The following FAF2 variants were observed in gnomAD, a reference collection of about 807,000 sequenced individuals.
The protein encoded by FAF2 is Fas associated factor family member 2, also known as FAS-associated factor 2.
In FAF2, 9 loss-of-function variants were observed where a neutral mutation model predicts 62.3. That is an observed-to-expected ratio of 0.14 (90% CI 0.09 to 0.25). The LOEUF is 0.25. Among genes scored for constraint, FAF2 ranks in the 10% least tolerant of loss-of-function variants. FAF2 has a pLI of 1.00. For missense variants in FAF2, 368 were observed against 556.2 expected (o/e 0.66, Z 3.40); for synonymous variants, 202 against 198.0 (o/e 1.02, Z -0.17).
chr5:176,454,191 G>A (rs1382030458), intron 1 of FAF2, among the ~76,000 whole-genome samples: 5 of 151,270 alleles, frequency 3.3e-5, no homozygotes, highest in East Asian at 1.9e-4. Flanking sequence ...CCAGGAGTTC[G>A]AGACCAGCCT....
intron 10 of FAF2, among the ~76,000 whole-genome samples, chr5:176,502,776 G>A (rs1051736087): frequency 5.3e-5 from 8 of 152,120 alleles, no homozygotes; most frequent in Non-Finnish European, 1.0e-4. Context: ...TCGGCTGGGC[G>A]TGGTGGCTCA....
At position 176,449,498 on chromosome 5, in the gene FAF2, C is replaced by T. The variant is rs1208966035; in HGVS notation, c.63+1028C>T. 3.9e-5 allele frequency among the ~76,000 whole-genome samples: 6 copies of T among 152,212 alleles called. No individual in the cohort carries two copies. In the South Asian group the frequency reaches 8.3e-4, roughly 21 times the overall value. On this transcript the variant is annotated intron_variant, in intron 1 of 10. Coordinates refer to ENST00000261942, the MANE Select transcript of FAF2 (RefSeq NM_014613.3). ...GCTAAGGCAGGAGACTCGCTTGAAC[C>T]CGGGAGGCGGAGGTTGCAGTGAGCC...
intron 8 of FAF2, 148 bp downstream of exon 8, chr5:176,496,811 T>C: frequency 1.9e-6 from 1 of 532,090 alleles, no homozygotes; most frequent in Non-Finnish European, 3.1e-6. Context: ...AATATTTACA[T>C]ACTTTGACCT....
intron 1 of FAF2, among the ~76,000 whole-genome samples, chr5:176,457,652 G>GT (rs1156945957): frequency 7.5e-5 from 7 of 93,030 alleles, no homozygotes; most frequent in Non-Finnish European, 1.6e-4. Flanking sequence ...CTGTTTTCAG[G>GT]GGTGTGTGTG....
At chr5:176,504,111 A>T (rs751290950) in intron 10 of FAF2, among the ~76,000 whole-genome samples, 2 of 151,990 alleles carry the variant, frequency 1.3e-5, no homozygotes, top group African/African-American at 4.8e-5. Flanking sequence ...CATCTCAAAA[A>T]AAAAGAAAAA....
chr5:176,487,627 A>G (rs915192232), intron 3 of FAF2, among the ~76,000 whole-genome samples: 2 of 152,348 alleles, frequency 1.3e-5, no homozygotes, highest in East Asian at 1.9e-4. Flanking sequence ...TGTGACAACT[A>G]TGAAATGCTT....
chr5:176,482,436 C>T (rs1323262137), intron 2 of FAF2, among the ~76,000 whole-genome samples: 1 of 152,122 alleles, frequency 6.6e-6, no homozygotes. Context: ...TGGTGTTGAA[C>T]TCCTGGCCTC....
rs148569818 is a variant in FAF2, at chr5:176,494,461, G to A, written c.661+186G>A. The stretch of plus-strand genomic sequence containing the variant: ...AGAGATGGGGGGTCATATTACCTTT[G>A]CTTTATGGTTTAGGAAATAGGCTCA... On this transcript the variant is annotated intron_variant, in intron 7 of 10. Coordinates refer to ENST00000261942, the MANE Select transcript of FAF2 (RefSeq NM_014613.3). This position sits in a 1 kb window ranked among gnomAD's most constrained non-coding sequence, Gnocchi z 4.0. Among the ~76,000 whole-genome samples the A allele has an allele frequency of 2.2e-4, 33 of 152,210 alleles. No individual in the cohort carries two copies. In the East Asian group the frequency reaches 5.6e-3, roughly 26 times the overall value.
chr5:176,451,140 G>A (rs867218480), intron 1 of FAF2, among the ~76,000 whole-genome samples: 19 of 152,264 alleles, frequency 1.2e-4, no homozygotes, highest in African/African-American at 4.1e-4. Flanking sequence ...GGAGGCCGAG[G>A]CAGGTGGATC....
At chr5:176,490,273 T>C (rs1758950921) in intron 4 of FAF2, among the ~76,000 whole-genome samples, 1 of 146,920 alleles carries the variant, frequency 6.8e-6, no homozygotes, top group Admixed American at 6.9e-5. Context: ...ATCGCACCAC[T>C]GCACTCCAGC....
At chr5:176,458,775 T>C (rs1406007938) in intron 1 of FAF2, among the ~76,000 whole-genome samples, 1 of 152,170 alleles carries the variant, frequency 6.6e-6, no homozygotes, top group East Asian at 1.9e-4. Context: ...TCTTTGTACC[T>C]CATGGTCTGA....
chr5:176,500,704 T>C (rs1755577579), intron 10 of FAF2, among the ~76,000 whole-genome samples: 1 of 152,238 alleles, frequency 6.6e-6, no homozygotes, highest in Non-Finnish European at 1.5e-5. Context: ...TGGAAGTCAT[T>C]AAAAGCAGAA....
intron 4 of FAF2, among the ~76,000 whole-genome samples, chr5:176,490,555 G>A (rs1758956109): frequency 6.6e-6 from 1 of 152,090 alleles, no homozygotes; most frequent in South Asian, 2.1e-4. Flanking sequence ...AGAGGCTGAA[G>A]TTGTGGGTCC....
chr5:176,488,192 G>A (rs1758907407), intron 3 of FAF2, among the ~76,000 whole-genome samples: 1 of 152,090 alleles, frequency 6.6e-6, no homozygotes, highest in African/African-American at 2.4e-5. Flanking sequence ...TGACCAGGCT[G>A]GTCTCGAACT....
intron 4 of FAF2, among the ~76,000 whole-genome samples, chr5:176,490,968 C>CTTT (rs922974294): frequency 1.1e-4 from 16 of 152,154 alleles, no homozygotes; most frequent in African/African-American, 3.9e-4. Context: ...ACATTTTGTG[C>CTTT]TTTTAATTCG....
intron 2 of FAF2, among the ~76,000 whole-genome samples, chr5:176,484,537 G>A (rs949928998): frequency 6.6e-6 from 1 of 152,194 alleles, no homozygotes; most frequent in African/African-American, 2.4e-5. Context: ...AAGCACAGGA[G>A]TAGTGATGCT....
At chr5:176,451,285 C>T (rs766536007) in intron 1 of FAF2, among the ~76,000 whole-genome samples, 4 of 152,114 alleles carry the variant, frequency 2.6e-5, no homozygotes, top group Non-Finnish European at 5.9e-5. Flanking sequence ...GCAGGAGGCT[C>T]ACTTGAACCC....
chr5:176,467,717 A>G (rs1456167771), intron 1 of FAF2, among the ~76,000 whole-genome samples: 1 of 152,256 alleles, frequency 6.6e-6, no homozygotes, highest in Non-Finnish European at 1.5e-5. Flanking sequence ...ATACTTTGAC[A>G]TAATTCTTTT....
chr5:176,450,498 A>G (rs1561812959), intron 1 of FAF2, among the ~76,000 whole-genome samples: 1 of 152,124 alleles, frequency 6.6e-6, no homozygotes, highest in Non-Finnish European at 1.5e-5. Context: ...ATATAAATCT[A>G]TGATAGCATT....
Sources: gnomAD v4.1 joint callset for allele counts (sites outside exome capture counted in the v4.1 genomes callset) on GRCh38, gnomAD v4.1.1 for gene constraint, Gnocchi (gnomAD v3.1) non-coding constraint, MANE v1.5 for transcripts, NCBI Gene and HGNC (gene_info 2026-07-23, HGNC 2026-07-21) for gene names.